The following MACROD2 variants were observed in gnomAD, a reference collection of about 807,000 sequenced individuals.
The protein encoded by MACROD2 is ADP-ribose glycohydrolase MACROD2.
MACROD2 carries 36 observed loss-of-function variants against 70.4 expected under a neutral mutation model. That is an observed-to-expected ratio of 0.51 (90% CI 0.39 to 0.68). The LOEUF is 0.68. Ranked by LOEUF, MACROD2 falls within the 30% of genes least tolerant of loss-of-function variation. The probability of loss-of-function intolerance (pLI) is 0.00; values close to 1 mark genes in which losing one functional copy is unlikely to be tolerated. For missense variants in MACROD2, 496 were observed against 538.4 expected (o/e 0.92, Z 0.78); for synonymous variants, 172 against 178.8 (o/e 0.96, Z 0.30).
intron 5 of MACROD2, among the ~76,000 whole-genome samples, chr20:14,701,254 C>A (rs2071193139): frequency 6.6e-6 from 1 of 152,122 alleles, no homozygotes; most frequent in Admixed American, 6.5e-5. Flanking sequence ...AGATACTCTA[C>A]CTGTGACATT....
intron 4 of MACROD2, among the ~76,000 whole-genome samples, chr20:14,499,920 G>A (rs2084897541): frequency 2.0e-5 from 3 of 152,092 alleles, no homozygotes; most frequent in Non-Finnish European, 4.4e-5. Flanking sequence ...GCAGCCAGAG[G>A]CATAAGTACT....
At chr20:14,675,242 C>T (rs981827639) in intron 4 of MACROD2, among the ~76,000 whole-genome samples, 2 of 152,100 alleles carry the variant, frequency 1.3e-5, no homozygotes, top group Admixed American at 1.3e-4. Flanking sequence ...AACCACAAGA[C>T]ACATAATCGT....
At chr20:15,573,197 C>G (rs2048398588) in intron 8 of MACROD2, among the ~76,000 whole-genome samples, 1 of 152,092 alleles carries the variant, frequency 6.6e-6, no homozygotes, top group Admixed American at 6.6e-5. Flanking sequence ...GGTGTTTTCC[C>G]ATGTCGTTTT....
intron 7 of MACROD2, among the ~76,000 whole-genome samples, chr20:15,491,433 C>G (rs1028095336): frequency 3.3e-5 from 5 of 152,148 alleles, no homozygotes; most frequent in African/African-American, 1.2e-4. Context: ...TGACTACCCC[C>G]AAAAAGCAGA....
At chr20:15,432,211 T>C (rs1002393073) in intron 7 of MACROD2, among the ~76,000 whole-genome samples, 2 of 152,048 alleles carry the variant, frequency 1.3e-5, no homozygotes, top group Non-Finnish European at 2.9e-5. Flanking sequence ...CTAACATATA[T>C]GTATATATTT....
In MACROD2 at chr20:15,320,966, C is replaced by A. The variant is rs975859033; in HGVS notation, c.540+90905C>A. On this transcript the variant is annotated intron_variant, in intron 6 of 17. Coordinates refer to ENST00000684519, the MANE Select transcript of MACROD2 (RefSeq NM_001351661.2). Reference sequence around the variant, plus strand: ...AAAAAGATTTGGGTGAGGAAAAAAACAACTCTTGAGGTATCGTACTTGTAT... The same window carrying A: ...AAAAAGATTTGGGTGAGGAAAAAAAAAACTCTTGAGGTATCGTACTTGTAT... 4.3e-4 allele frequency among the ~76,000 whole-genome samples: 65 copies of A among 152,320 alleles called. 1 individual carries two copies. The highest frequency in any genetic ancestry group is 1.5e-3 in the African/African-American group (62 of 41,578).
At chr20:15,361,547 C>T (rs2075156219) in intron 6 of MACROD2, among the ~76,000 whole-genome samples, 1 of 152,084 alleles carries the variant, frequency 6.6e-6, no homozygotes, top group South Asian at 2.1e-4. Context: ...TATTCTAGTT[C>T]CTTTGTCATA....
intron 6 of MACROD2, among the ~76,000 whole-genome samples, chr20:15,372,780 G>A (rs553210066): frequency 3.9e-5 from 6 of 152,098 alleles, no homozygotes; most frequent in Non-Finnish European, 5.9e-5. Flanking sequence ...GGCTGGATGC[G>A]ATAATGCATG....
intron 3 of MACROD2, among the ~76,000 whole-genome samples, chr20:14,195,377 A>C (rs2081421911): frequency 6.6e-6 from 1 of 151,966 alleles, no homozygotes; most frequent in South Asian, 2.1e-4. Context: ...AGAAATGGGG[A>C]AGGGAAGTGC....
chr20:15,789,297 C>G (rs1346035550), intron 8 of MACROD2, among the ~76,000 whole-genome samples: 1 of 152,084 alleles, frequency 6.6e-6, no homozygotes, highest in African/African-American at 2.4e-5. Flanking sequence ...TTTTGGATTG[C>G]GTTCAGAGTC....
rs566607934 is a variant in MACROD2 at position 15,937,487 on chromosome 20, A to G, written c.850A>G (p.Thr284Ala). Residue 284 changes from threonine (T) to alanine (A), a missense_variant, in exon 12 of 18, where the codon ACT becomes GCT. Coordinates refer to ENST00000684519, the MANE Select transcript of MACROD2 (RefSeq NM_001351661.2). ...TTTCTGCTTTATAGATGGTGTCAACACTGTCACTGTGCCCGGCCCTGCTTC... is the reference window on the plus strand; with the variant it reads ...TTTCTGCTTTATAGATGGTGTCAACGCTGTCACTGTGCCCGGCCCTGCTTC... ...EQSQDADGVN[T>A]VTVPGPASEE... is the part of the protein sequence containing the mutation. The G allele has an allele frequency of 5.1e-5, 82 of 1,613,270 alleles. No homozygotes were observed. The Middle Eastern group carries it at 1.5e-3, about 29-fold the overall frequency.
At chr20:15,125,030 GGT>G (rs2076056700) in intron 5 of MACROD2, among the ~76,000 whole-genome samples, 1 of 151,994 alleles carries the variant, frequency 6.6e-6, no homozygotes, top group Non-Finnish European at 1.5e-5. Context: ...CTGTGAGTGA[GGT>G]GGAAATTATT....
intron 5 of MACROD2, among the ~76,000 whole-genome samples, chr20:14,780,343 A>AC (rs2123784671): frequency 1.3e-5 from 2 of 152,194 alleles, no homozygotes; most frequent in Admixed American, 1.3e-4. Flanking sequence ...CAGGCGGATC[A>AC]CCTGAGGTCA....
At chr20:14,753,458 T>C (rs2071901261) in intron 5 of MACROD2, among the ~76,000 whole-genome samples, 1 of 152,110 alleles carries the variant, frequency 6.6e-6, no homozygotes, top group South Asian at 2.1e-4. Flanking sequence ...GCATGTATAT[T>C]TATAAAGGGA....
intron 8 of MACROD2, among the ~76,000 whole-genome samples, chr20:15,844,681 C>T (rs2064210737): frequency 2.6e-5 from 4 of 152,098 alleles, no homozygotes; most frequent in Admixed American, 2.6e-4. Flanking sequence ...CAATTTCTGT[C>T]GTACACATCC....
intron 15 of MACROD2, among the ~76,000 whole-genome samples, chr20:16,010,159 A>G (rs953927565): frequency 2.0e-5 from 3 of 152,202 alleles, no homozygotes; most frequent in African/African-American, 7.2e-5. Context: ...ACTTCAGAAA[A>G]AAAGAAGAGA....
At chr20:14,769,172 G>A (rs1289639423) in intron 5 of MACROD2, among the ~76,000 whole-genome samples, 1 of 151,956 alleles carries the variant, frequency 6.6e-6, no homozygotes, top group African/African-American at 2.4e-5. Flanking sequence ...AAAAATGAAG[G>A]TCTACCCCAG....
At chr20:15,720,912 AGTT>A (rs1420412942) in intron 8 of MACROD2, among the ~76,000 whole-genome samples, 4 of 152,056 alleles carry the variant, frequency 2.6e-5, no homozygotes, top group Non-Finnish European at 5.9e-5. Context: ...TTCATTGCAT[AGTT>A]GTTTGATTTC....
chr20:15,003,896 T>C (rs1047708498), intron 5 of MACROD2, among the ~76,000 whole-genome samples: 12 of 152,126 alleles, frequency 7.9e-5, no homozygotes, highest in African/African-American at 2.4e-4. Flanking sequence ...GAGATATCTT[T>C]TCAGGTTTTT....
Sources: allele counts gnomAD v4.1 joint callset (sites outside exome capture counted in the v4.1 genomes callset), GRCh38; gene constraint gnomAD v4.1.1; transcripts MANE v1.5; gene names NCBI Gene and HGNC (gene_info 2026-07-23, HGNC 2026-07-21).